Variants in INPP4B observed in about 807,000 individuals in gnomAD.
INPP4B encodes inositol polyphosphate 4-phosphatase type II.
Under a neutral mutation model 122.5 loss-of-function variants are expected in INPP4B, and 55 were observed. That is an observed-to-expected ratio of 0.45 (90% CI 0.36 to 0.56). INPP4B has a LOEUF of 0.56. INPP4B is among the 20% of genes least tolerant of loss of function. The pLI is 0.00. For missense variants in INPP4B, 1,000 were observed against 1,097.7 expected (o/e 0.91, Z 1.26); for synonymous variants, 403 against 388.7 (o/e 1.04, Z -0.43).
chr4:142,268,844 A>T (rs951129239), intron 10 of INPP4B, among the ~76,000 whole-genome samples: 8 of 152,160 alleles, frequency 5.3e-5, no homozygotes, highest in Non-Finnish European at 1.2e-4. Context: ...GAAAGTTAAG[A>T]TTGGGAACTG....
In INPP4B at chr4:142,033,126, C is replaced by T. The variant is rs139174917; in HGVS notation, c.2643-4212G>A. On this transcript the variant is annotated intron_variant, in intron 25 of 25. Transcript: ENST00000262992. ...TTGCTCATCTGAGGGCCATGTGGGT[C>T]TCCAAGGAGGCTTTTAGCACATGCC... Among the ~76,000 whole-genome samples, 52 of 152,274 alleles carry T rather than the reference C, an allele frequency of 3.4e-4. No individual in the cohort carries two copies. The East Asian group carries it at 9.5e-3, about 28-fold the overall frequency.
chr4:142,064,740 T>G (rs1762655801), intron 25 of INPP4B, among the ~76,000 whole-genome samples: 1 of 152,186 alleles, frequency 6.6e-6, no homozygotes, highest in South Asian at 2.1e-4. Flanking sequence ...CAAATAAAAC[T>G]ATTAGTGTTA....
intron 1 of INPP4B, among the ~76,000 whole-genome samples, chr4:142,788,933 G>A (rs1030788896): frequency 2.0e-5 from 3 of 151,920 alleles, no homozygotes; most frequent in Admixed American, 6.6e-5. Context: ...TTTAACATAC[G>A]CAAGTCAATA....
At chr4:142,465,578 C>T (rs1401706085) in intron 2 of INPP4B, among the ~76,000 whole-genome samples, 1 of 152,094 alleles carries the variant, frequency 6.6e-6, no homozygotes, top group East Asian at 1.9e-4. Context: ...ATTGTGCTTC[C>T]ACTTTATTCT....
At chr4:142,300,974 G>A (rs1041193954) in intron 9 of INPP4B, among the ~76,000 whole-genome samples, 5 of 152,098 alleles carry the variant, frequency 3.3e-5, no homozygotes, top group Admixed American at 3.3e-4. Flanking sequence ...GTGGTGACAT[G>A]TAGGTTATAA....
chr4:142,712,800 C>T (rs774548319), intron 2 of INPP4B, among the ~76,000 whole-genome samples: 2 of 152,194 alleles, frequency 1.3e-5, no homozygotes. Flanking sequence ...ACTTAATTTT[C>T]TCTCAACATC....
chr4:142,438,125 T>C (rs1810935989), intron 3 of INPP4B, among the ~76,000 whole-genome samples: 1 of 152,158 alleles, frequency 6.6e-6, no homozygotes, highest in Non-Finnish European at 1.5e-5. Context: ...GTCCATATTG[T>C]GCAAAGTAAT....
intron 1 of INPP4B, among the ~76,000 whole-genome samples, chr4:142,737,769 A>G (rs1767191765): frequency 6.6e-6 from 1 of 152,192 alleles, no homozygotes; most frequent in African/African-American, 2.4e-5. Flanking sequence ...TTTACAAGAA[A>G]AAAACAACCC....
chr4:142,594,987 A>G (rs1237450072), intron 2 of INPP4B, among the ~76,000 whole-genome samples: 2 of 150,654 alleles, frequency 1.3e-5, no homozygotes, highest in Non-Finnish European at 3.0e-5. Flanking sequence ...AGAAAGGCAG[A>G]GCATGAATGC....
chr4:142,598,254 G>T (rs1323955748), intron 2 of INPP4B, among the ~76,000 whole-genome samples: 1 of 152,132 alleles, frequency 6.6e-6, no homozygotes, highest in African/African-American at 2.4e-5. Context: ...GCAGCCTGCT[G>T]CAATCCCAAC....
intron 2 of INPP4B, among the ~76,000 whole-genome samples, chr4:142,643,637 T>C (rs1751048622): frequency 6.6e-6 from 1 of 152,194 alleles, no homozygotes; most frequent in African/African-American, 2.4e-5. Context: ...CAGCTCCTTG[T>C]TCAGTGTTCA....
intron 1 of INPP4B, among the ~76,000 whole-genome samples, chr4:142,813,131 T>C (rs774222367): frequency 3.3e-5 from 5 of 152,164 alleles, no homozygotes; most frequent in Non-Finnish European, 7.4e-5. Flanking sequence ...GAACTCTTTC[T>C]AAACCCAGCA....
chr4:142,104,468 C>A (rs968921787), intron 23 of INPP4B, among the ~76,000 whole-genome samples: 1 of 152,136 alleles, frequency 6.6e-6, no homozygotes, highest in Non-Finnish European at 1.5e-5. Flanking sequence ...CACTGGAATT[C>A]CCAGGCTGAT....
At chr4:142,350,715 A>G (rs1486184279) in intron 7 of INPP4B, among the ~76,000 whole-genome samples, 1 of 152,036 alleles carries the variant, frequency 6.6e-6, no homozygotes, top group Non-Finnish European at 1.5e-5. Flanking sequence ...AAGAGCAAAA[A>G]TGTTAATGAA....
At chr4:142,793,393 T>C (rs1238625443) in intron 1 of INPP4B, among the ~76,000 whole-genome samples, 2 of 152,016 alleles carry the variant, frequency 1.3e-5, no homozygotes, top group African/African-American at 4.8e-5. Flanking sequence ...TTAAGCTGAA[T>C]AGAGAAGCAG....
At chr4:142,318,797 C>G (rs957116353) in intron 7 of INPP4B, among the ~76,000 whole-genome samples, 1 of 152,172 alleles carries the variant, frequency 6.6e-6, no homozygotes, top group African/African-American at 2.4e-5. Flanking sequence ...AAAAACAAAA[C>G]CAGGTAGCAT....
intron 1 of INPP4B, among the ~76,000 whole-genome samples, chr4:142,740,746 G>C (rs942905982): frequency 6.6e-6 from 1 of 152,024 alleles, no homozygotes; most frequent in East Asian, 1.9e-4. Context: ...GACATTTCTG[G>C]CTTGGAGTAG....
intron 7 of INPP4B, among the ~76,000 whole-genome samples, chr4:142,339,573 T>C (rs558258250): frequency 1.3e-5 from 2 of 152,312 alleles, no homozygotes; most frequent in African/African-American, 4.8e-5. Flanking sequence ...GCCAGCTGAA[T>C]AGCATTCAGG....
chr4:142,244,287 C>CTT lies in INPP4B; in HGVS notation c.689-6278_689-6277dup, dbSNP rs56945961. ...ATGGTATTCCATGGTGTATATGTGC[C>CTT]TTTTTTTTTTTTTTTTTTTTTTTTT... On this transcript the variant is annotated intron_variant, in intron 11 of 25. Transcript: ENST00000262992. Among the ~76,000 whole-genome samples, 78 of 73,762 alleles carry CTT rather than the reference C, an allele frequency of 1.1e-3. 6 individuals are homozygous for CTT. The highest frequency in any genetic ancestry group is 1.6e-3 in the African/African-American group (29 of 18,176). The allele number at this position is 73,762 out of a possible 152,430, so 48.4% of individuals were successfully genotyped here.
Sources: gnomAD v4.1 joint callset for allele counts (sites outside exome capture counted in the v4.1 genomes callset) on GRCh38, gnomAD v4.1.1 for gene constraint, MANE v1.5 for transcripts, NCBI Gene and HGNC (gene_info 2026-07-23, HGNC 2026-07-21) for gene names.